NLGN1: variants seen among roughly 807,000 people sequenced by gnomAD.
The protein encoded by NLGN1 is neuroligin 1, also known as neuroligin-1.
In NLGN1, 12 loss-of-function variants were observed where a neutral mutation model predicts 65.5. That is an observed-to-expected ratio of 0.18 (90% CI 0.12 to 0.30). The LOEUF (loss-of-function observed/expected upper bound fraction) is 0.30, where lower values mean the gene tolerates loss of function less well. Among genes scored for constraint, NLGN1 ranks in the 10% least tolerant of loss-of-function variants. The pLI is 1.00. For synonymous variants in NLGN1, 350 were observed against 359.5 expected, an observed-to-expected ratio of 0.97 and a Z score of 0.30; for missense variants, 750 against 1,007.1, an observed-to-expected ratio of 0.74 and a Z score of 3.46.
chr3:173,614,710 A>C (rs554636614), intron 3 of NLGN1, among the ~76,000 whole-genome samples: 29 of 152,104 alleles, frequency 1.9e-4, no homozygotes, highest in Admixed American at 1.7e-3. Context: ...CAAAGCAAAC[A>C]CCCACACTCC....
At chr3:174,139,744 T>A (rs570486485) in intron 4 of NLGN1, among the ~76,000 whole-genome samples, 2 of 152,288 alleles carry the variant, frequency 1.3e-5, no homozygotes, top group East Asian at 3.9e-4. Context: ...AAAAGAGGGT[T>A]CCTGTTGTTT....
chr3:173,739,758 T>C (rs1774346053), intron 3 of NLGN1, among the ~76,000 whole-genome samples: 1 of 152,148 alleles, frequency 6.6e-6, no homozygotes, highest in Non-Finnish European at 1.5e-5. Context: ...TTCTTCCTAG[T>C]ACTCTAGAGT....
chr3:173,857,664 T>C (rs1453856758), intron 4 of NLGN1, among the ~76,000 whole-genome samples: 2 of 152,070 alleles, frequency 1.3e-5, no homozygotes, highest in Non-Finnish European at 2.9e-5. Flanking sequence ...CTAAAATCAG[T>C]GCCACTTATT....
intron 3 of NLGN1, among the ~76,000 whole-genome samples, chr3:173,650,221 C>G (rs1441873101): frequency 6.6e-6 from 1 of 152,082 alleles, no homozygotes; most frequent in Non-Finnish European, 1.5e-5. Flanking sequence ...ACTTCCTACT[C>G]ATCATTATTC....
chr3:174,151,193 T>C (rs957050933), intron 4 of NLGN1, among the ~76,000 whole-genome samples: 2 of 152,050 alleles, frequency 1.3e-5, no homozygotes, highest in African/African-American at 2.4e-5. Context: ...CTTTGAAACA[T>C]TGGATTATAT....
In NLGN1 at chr3:173,871,957, G is replaced by A. The variant is rs576022282; in HGVS notation, c.646+64125G>A. Among the ~76,000 whole-genome samples, 4 of 152,332 alleles carry A rather than the reference G, an allele frequency of 2.6e-5. No homozygotes were observed. In the South Asian group the frequency reaches 8.3e-4, roughly 32 times the overall value. ...ACCTTTCAATTTCAACCGTTCCTAA[G>A]AGTTAGCTGGAATTCACAAGAATAA... On this transcript the variant is annotated intron_variant, in intron 4 of 6. Transcript: ENST00000457714.
At chr3:173,481,457 A>G (rs1727268994) in intron 2 of NLGN1, among the ~76,000 whole-genome samples, 1 of 151,988 alleles carries the variant, frequency 6.6e-6, no homozygotes, top group African/African-American at 2.4e-5. Context: ...ATTTGGATCA[A>G]GTATTAAATA....
intron 3 of NLGN1, among the ~76,000 whole-genome samples, chr3:173,798,435 T>C (rs1308595693): frequency 2.0e-5 from 3 of 152,128 alleles, no homozygotes; most frequent in African/African-American, 4.8e-5. Context: ...AAATTGGAAA[T>C]ATTTTAAATA....
At position 173,697,155 on chromosome 3, in the gene NLGN1, C is replaced by T. The variant is rs187892668; in HGVS notation, c.493+92064C>T. Among the ~76,000 whole-genome samples, 365 of 152,272 alleles carry T rather than the reference C, an allele frequency of 2.4e-3. 3 individuals carry two copies. Among genetic ancestry groups the T allele is most frequent in the Middle Eastern group, 0.01 (3 of 294 alleles). ...TCCAGTTTTTATGCTGCCTTCTACT[C>T]ACTAACATATAGATACATGTTTTAA... On this transcript the variant is annotated intron_variant, in intron 3 of 6. Transcript: ENST00000457714.
chr3:173,815,714 AAC>A (rs751653768), intron 4 of NLGN1, among the ~76,000 whole-genome samples: 4 of 152,088 alleles, frequency 2.6e-5, no homozygotes, highest in Non-Finnish European at 4.4e-5. Flanking sequence ...CGCCTTAAAG[AAC>A]CCTGTGCATT....
intron 3 of NLGN1, among the ~76,000 whole-genome samples, chr3:173,800,905 A>G (rs572818798): frequency 2.6e-5 from 4 of 151,984 alleles, no homozygotes; most frequent in Non-Finnish European, 5.9e-5. Flanking sequence ...ATGTCACATA[A>G]ATGCAATTAA....
intron 2 of NLGN1, among the ~76,000 whole-genome samples, chr3:173,502,261 A>AT (rs1731259711): frequency 6.6e-6 from 1 of 152,040 alleles, no homozygotes; most frequent in Non-Finnish European, 1.5e-5. Context: ...GTTCTTGGCA[A>AT]TTTTCCTAGA....
At chr3:173,633,068 G>C (rs1040076807) in intron 3 of NLGN1, among the ~76,000 whole-genome samples, 7 of 151,810 alleles carry the variant, frequency 4.6e-5, no homozygotes, top group Non-Finnish European at 1.0e-4. Flanking sequence ...CTGATAAATG[G>C]GGGCCTAGAT....
intron 4 of NLGN1, among the ~76,000 whole-genome samples, chr3:173,921,338 A>C (rs1016260928): frequency 6.7e-6 from 1 of 148,634 alleles, no homozygotes; most frequent in Non-Finnish European, 1.5e-5. Flanking sequence ...AAATAATTCA[A>C]TTGATTTTAG....
At chr3:174,062,550 C>T (rs578242316) in intron 4 of NLGN1, among the ~76,000 whole-genome samples, 6 of 151,862 alleles carry the variant, frequency 4.0e-5, no homozygotes, top group East Asian at 1.9e-4. Context: ...ATGGCTTGAA[C>T]GTATTCTCTA....
In NLGN1 at chr3:173,829,274, T is replaced by C. The variant is rs910894687; in HGVS notation, c.646+21442T>C. Among the ~76,000 whole-genome samples, 4 of 152,122 alleles carry C rather than the reference T, an allele frequency of 2.6e-5. No individual in the cohort carries two copies. In the East Asian group the frequency reaches 7.7e-4, roughly 29 times the overall value. On this transcript the variant is annotated intron_variant, in intron 4 of 6. Coordinates refer to ENST00000457714, the Ensembl canonical transcript of NLGN1. ...GGTAGATTAAATTTGAAATGCCTAT[T>C]AAGTATCAAACTGGAGTTATCTATT...
intron 4 of NLGN1, among the ~76,000 whole-genome samples, chr3:174,247,775 G>A (rs1305642040): frequency 6.6e-6 from 1 of 152,160 alleles, no homozygotes; most frequent in Non-Finnish European, 1.5e-5. Flanking sequence ...AACCACCCTG[G>A]CTGTGAAAGA....
intron 3 of NLGN1, among the ~76,000 whole-genome samples, chr3:173,707,705 C>T (rs1193846103): frequency 6.6e-6 from 1 of 152,002 alleles, no homozygotes; most frequent in African/African-American, 2.4e-5. Context: ...GAAAAATAAG[C>T]TCACAAATGG....
chr3:174,033,397 A>G (rs6445133), intron 4 of NLGN1, among the ~76,000 whole-genome samples: 40,718 of 152,000 alleles, frequency 0.27, 6,537 homozygotes, highest in African/African-American at 0.44. Context: ...TACCTGATAC[A>G]TATTTGGCTT....
Sources: allele counts gnomAD v4.1 joint callset (sites outside exome capture counted in the v4.1 genomes callset), GRCh38; gene constraint gnomAD v4.1.1; transcripts MANE v1.5; gene names NCBI Gene and HGNC (gene_info 2026-07-23, HGNC 2026-07-21).